The following SFI1 variants were observed in gnomAD, a reference collection of about 807,000 sequenced individuals.
The protein encoded by SFI1 is protein SFI1 homolog.
SFI1 carries 195 observed loss-of-function variants against 207.5 expected under a neutral mutation model. The observed-to-expected ratio is 0.94, with a 90% CI of 0.84 to 1.06. SFI1 has a LOEUF of 1.06. Among genes scored for constraint, SFI1 ranks in the 50% least tolerant of loss-of-function variants. The probability of loss-of-function intolerance (pLI) is 0.00; values close to 1 mark genes in which losing one functional copy is unlikely to be tolerated. For missense variants in SFI1, 1,634 were observed against 1,588.0 expected, an observed-to-expected ratio of 1.03 and a Z score of -0.49; for synonymous variants, 630 against 598.9, an observed-to-expected ratio of 1.05 and a Z score of -0.76.
intron 18 of SFI1, among the ~76,000 whole-genome samples, chr22:31,604,108 C>G (rs565553180): frequency 6.6e-6 from 1 of 152,328 alleles, no homozygotes; most frequent in Admixed American, 6.5e-5. Context: ...TGTTTAAACT[C>G]ACATTAATTG....
chr22:31,581,232 G>A (rs1412877730), intron 12 of SFI1, among the ~76,000 whole-genome samples: 1 of 151,144 alleles, frequency 6.6e-6, no homozygotes, highest in African/African-American at 2.4e-5. Flanking sequence ...GCCCACCTTC[G>A]CCTCTCAAAG....
At chr22:31,552,804 G>A (rs975101662) in intron 6 of SFI1, among the ~76,000 whole-genome samples, 9 of 151,952 alleles carry the variant, frequency 5.9e-5, no homozygotes, top group African/African-American at 1.9e-4. Flanking sequence ...AGTGTGTTAA[G>A]TGTTCCCTTT....
chr22:31,591,383 G>A (rs1254944600), intron 15 of SFI1, among the ~76,000 whole-genome samples: 1 of 152,268 alleles, frequency 6.6e-6, no homozygotes, highest in Non-Finnish European at 1.5e-5. Flanking sequence ...ACACAGACAC[G>A]GCAACCATCC....
intron 4 of SFI1, among the ~76,000 whole-genome samples, chr22:31,540,182 G>T (rs1025836880): frequency 3.1e-5 from 4 of 130,372 alleles, no homozygotes; most frequent in African/African-American, 1.2e-4. Context: ...ACTCCTTCTG[G>T]CACGGGGTGG....
intron 18 of SFI1, 75 bp from the exon 19 acceptor site, chr22:31,604,234 A>C (rs910641485): frequency 3.0e-5 from 34 of 1,138,704 alleles, no homozygotes; most frequent in Non-Finnish European, 4.2e-5. Flanking sequence ...ATGATGTATA[A>C]AATGGAGGCA....
chr22:31,604,980 G>A, intron 20 of SFI1, 35 bp downstream of exon 20: 1 of 1,553,072 alleles, frequency 6.4e-7, no homozygotes, highest in Non-Finnish European at 8.7e-7. Flanking sequence ...GCTCCAGCTG[G>A]GGAACAAGGA....
chr22:31,560,436 C>CT (rs2061580320), intron 7 of SFI1, among the ~76,000 whole-genome samples: 1 of 140,980 alleles, frequency 7.1e-6, no homozygotes. Context: ...GAGTCTCACT[C>CT]TGTCACCCAG....
chr22:31,594,865 A>G (rs2066853998), intron 15 of SFI1, among the ~76,000 whole-genome samples: 1 of 151,002 alleles, frequency 6.6e-6, no homozygotes, highest in Admixed American at 6.6e-5. Flanking sequence ...AAAAAAAAAA[A>G]AAAAAAAAAA....
intron 6 of SFI1, among the ~76,000 whole-genome samples, chr22:31,553,961 A>G (rs556043654): frequency 1.4e-5 from 2 of 138,216 alleles, no homozygotes; most frequent in Admixed American, 8.2e-5. Context: ...TCAGCCTCCC[A>G]AGTAGCTGGG....
At chr22:31,584,644 A>C (rs1052463262) in intron 13 of SFI1, among the ~76,000 whole-genome samples, 3 of 152,162 alleles carry the variant, frequency 2.0e-5, no homozygotes, top group African/African-American at 7.2e-5. Flanking sequence ...AGTTAGTGAG[A>C]ATCCCAATAA....
intron 29 of SFI1, chr22:31,615,606 T>C (rs1362472913): frequency 1.5e-5 from 4 of 261,482 alleles, no homozygotes; most frequent in African/African-American, 2.2e-5. Context: ...TTGAGAAGAG[T>C]AGGAAGTCGG....
chr22:31,581,486 T>C (rs1447187252), intron 12 of SFI1, among the ~76,000 whole-genome samples: 2 of 151,874 alleles, frequency 1.3e-5, no homozygotes, highest in Admixed American at 1.3e-4. Context: ...AGACGGGTTT[T>C]TCCCCATGTT....
At chr22:31,514,101 AC>A (rs1260623087) in intron 2 of SFI1, among the ~76,000 whole-genome samples, 1 of 146,914 alleles carries the variant, frequency 6.8e-6, no homozygotes, top group Admixed American at 7.0e-5. Context: ...AGATTGTGCC[AC>A]TGCACTCCAG....
At chr22:31,534,049 A>T (rs2058755041) in intron 4 of SFI1, among the ~76,000 whole-genome samples, 1 of 152,206 alleles carries the variant, frequency 6.6e-6, no homozygotes, top group South Asian at 2.1e-4. Context: ...TCCTTAGAAT[A>T]CTTTAGCTCT....
intron 8 of SFI1, among the ~76,000 whole-genome samples, chr22:31,562,633 T>A (rs779704002): frequency 8.1e-5 from 11 of 136,116 alleles, no homozygotes; most frequent in Middle Eastern, 7.5e-3. Flanking sequence ...CAGGTTTTTT[T>A]ATTTTTTTTT....
chr22:31,573,438 AT>A (rs199990631), intron 9 of SFI1, among the ~76,000 whole-genome samples: 517 of 141,418 alleles, frequency 3.7e-3, no homozygotes, highest in African/African-American at 4.6e-3. Context: ...CTGTAGATAG[AT>A]TTTTTTTTTT....
At chr22:31,586,152 C>T (rs1276149360) in intron 14 of SFI1, among the ~76,000 whole-genome samples, 1 of 152,092 alleles carries the variant, frequency 6.6e-6, no homozygotes, top group East Asian at 1.9e-4. Flanking sequence ...CCAGTGGTTC[C>T]CTAAAGGTCC....
intron 2 of SFI1, among the ~76,000 whole-genome samples, chr22:31,527,616 G>C (rs1376344507): frequency 6.6e-6 from 1 of 152,108 alleles, no homozygotes; most frequent in Admixed American, 6.6e-5. Context: ...TAAACTTTGT[G>C]TGTGTGTTTG....
intron 20 of SFI1, 184 bp from the exon 21 acceptor site, chr22:31,606,144 G>T: frequency 1.6e-6 from 1 of 612,196 alleles, no homozygotes; most frequent in Non-Finnish European, 2.9e-6. Context: ...GCCCAGAGCA[G>T]CTGCTCAGTA....
Sources: gnomAD v4.1 joint callset for allele counts (sites outside exome capture counted in the v4.1 genomes callset) on GRCh38, gnomAD v4.1.1 for gene constraint, MANE v1.5 for transcripts, NCBI Gene and HGNC (gene_info 2026-07-23, HGNC 2026-07-21) for gene names.